Variants in MYO16 observed in about 807,000 individuals in gnomAD.
The protein encoded by MYO16 is unconventional myosin-XVI.
In MYO16, 94 loss-of-function variants were observed where a neutral mutation model predicts 205.3. The observed-to-expected ratio is 0.46, with a 90% confidence interval of 0.39 to 0.54. The LOEUF (loss-of-function observed/expected upper bound fraction) is 0.54, where lower values mean the gene tolerates loss of function less well. Ranked by LOEUF, MYO16 falls within the 20% of genes least tolerant of loss-of-function variation. The probability of loss-of-function intolerance (pLI) is 0.00; values close to 1 mark genes in which losing one functional copy is unlikely to be tolerated. For missense variants in MYO16, 2,315 were observed against 2,387.5 expected (o/e 0.97, Z 0.63); for synonymous variants, 988 against 954.0 (o/e 1.04, Z -0.66).
intron 9 of MYO16, among the ~76,000 whole-genome samples, chr13:108,823,516 G>A (rs1876095191): frequency 6.6e-6 from 1 of 152,130 alleles, no homozygotes; most frequent in African/African-American, 2.4e-5. Flanking sequence ...CATGTGCCAT[G>A]AGACCAAATA....
intron 16 of MYO16, among the ~76,000 whole-genome samples, chr13:108,944,077 T>A (rs1237340716): frequency 6.6e-6 from 1 of 152,204 alleles, no homozygotes; most frequent in Non-Finnish European, 1.5e-5. Flanking sequence ...CACATGAGGC[T>A]GAACTGTACT....
intron 22 of MYO16, among the ~76,000 whole-genome samples, chr13:109,016,584 G>T (rs991861774): frequency 6.6e-6 from 1 of 151,570 alleles, no homozygotes; most frequent in African/African-American, 2.4e-5. Flanking sequence ...TTATTATTGT[G>T]TGGGAGTCTA....
At chr13:109,017,964 T>G (rs1259544516) in intron 22 of MYO16, among the ~76,000 whole-genome samples, 1 of 152,234 alleles carries the variant, frequency 6.6e-6, no homozygotes, top group Non-Finnish European at 1.5e-5. Flanking sequence ...AGCCTACTTC[T>G]TTCAGCTCAT....
At chr13:109,131,276 G>C (rs531429856) in intron 31 of MYO16, among the ~76,000 whole-genome samples, 1 of 152,326 alleles carries the variant, frequency 6.6e-6, no homozygotes, top group South Asian at 2.1e-4. Context: ...TCTGATCGGA[G>C]ACCAAGGGCC....
chr13:108,953,343 G>C (rs756199968), intron 16 of MYO16, among the ~76,000 whole-genome samples: 11 of 152,286 alleles, frequency 7.2e-5, no homozygotes, highest in Non-Finnish European at 1.3e-4. Flanking sequence ...TAATGACAGA[G>C]TACATTGACT....
intron 27 of MYO16, among the ~76,000 whole-genome samples, chr13:109,099,312 A>G (rs978125245): frequency 1.4e-4 from 21 of 152,378 alleles, no homozygotes; most frequent in African/African-American, 4.6e-4. Context: ...AATAAACAGC[A>G]AGTAATAAGT....
intron 19 of MYO16, among the ~76,000 whole-genome samples, chr13:108,963,624 G>A (rs1346898382): frequency 6.6e-6 from 1 of 152,092 alleles, no homozygotes; most frequent in African/African-American, 2.4e-5. Context: ...CAGGAATAAG[G>A]CCAACAGTCT....
In MYO16 at chr13:108,649,082, G is replaced by C. The variant is rs557705817; in HGVS notation, c.29-16804G>C. On this transcript the variant is annotated intron_variant, in intron 1 of 34. Transcript: ENST00000457511. ...CACACCAGGGCCTGTTGTGGGATGG[G>C]GGGAGGGGGGAGGGATAGCATTAGG... 2.7e-3 allele frequency among the ~76,000 whole-genome samples: 408 copies of C among 150,804 alleles called. 2 individuals are homozygous for C. Among genetic ancestry groups the C allele is most frequent in the African/African-American group, 8.7e-3 (356 of 40,990 alleles).
the MYO16 span, among the ~76,000 whole-genome samples, chr13:108,543,716 C>A: frequency 1.4e-5 from 2 of 140,388 alleles, no homozygotes; most frequent in Admixed American, 7.5e-5. Flanking sequence ...CTAGGCAAAT[C>A]AATTACTTTC....
At chr13:109,167,583 G>A (rs1293999486) in intron 33 of MYO16, among the ~76,000 whole-genome samples, 4 of 152,120 alleles carry the variant, frequency 2.6e-5, no homozygotes, top group Non-Finnish European at 5.9e-5. Context: ...TAAAAAAGGT[G>A]AATCTCACTG....
rs1341082303 is a variant in MYO16 at position 109,141,964 on chromosome 13, G to C, written c.5164+588G>C. ...GCACTCTAACGCAGCCCCGTTATCT[G>C]TGTTTTCTCATCCAGCGACTCAGCC... On this transcript the variant is annotated intron_variant, in intron 32 of 34. Transcript: ENST00000457511. The surrounding 1 kb of genome is among the most constrained non-coding windows in gnomAD (Gnocchi z 4.1). Among the ~76,000 whole-genome samples the C allele has an allele frequency of 6.6e-6, 1 of 152,188 alleles. No individual in the cohort carries two copies. Among genetic ancestry groups the C allele is most frequent in the Non-Finnish European group, 1.5e-5 (1 of 68,040 alleles).
At chr13:108,731,178 TTAGCTTC>T (rs1884510545) in intron 4 of MYO16, among the ~76,000 whole-genome samples, 1 of 152,228 alleles carries the variant, frequency 6.6e-6, no homozygotes, top group Non-Finnish European at 1.5e-5. Flanking sequence ...TAATAAATAA[TTAGCTTC>T]TAGCAAGTCA....
In MYO16 at chr13:109,055,207, T is replaced by C; in HGVS notation, c.3129+81T>C. On this transcript the variant is annotated intron_variant, in intron 26 of 34. Transcript: ENST00000457511. The surrounding 1 kb of genome is among the most constrained non-coding windows in gnomAD (Gnocchi z 5.0). ...GGGTTTATGTAGACTTTTTTTTCCA[T>C]TTTTGACAACTTAAATATCTTCACA... is the stretch of plus-strand genomic sequence containing the variant. The C allele has an allele frequency of 8.0e-7, 1 of 1,245,672 alleles. No individual in the cohort carries two copies. The highest frequency in any genetic ancestry group is 2.3e-5 in the East Asian group (1 of 42,694). The allele number at this position is 1,245,672 out of a possible 1,614,324, so 77.2% of individuals were successfully genotyped here. A position where few individuals can be genotyped will look rare whatever the true frequency, so the allele number is the denominator to read the frequency against.
At chr13:108,538,016 A>G in the MYO16 span, among the ~76,000 whole-genome samples, 1 of 152,050 alleles carries the variant, frequency 6.6e-6, no homozygotes, top group African/African-American at 2.4e-5. Context: ...ACTTTAGTTT[A>G]AGCCCATTTG....
chr13:108,553,113 G>C, the MYO16 span, among the ~76,000 whole-genome samples: 4 of 134,574 alleles, frequency 3.0e-5, no homozygotes, highest in African/African-American at 8.2e-5. Context: ...CTGCCTCCCA[G>C]GTTCAACTGC....
intron 27 of MYO16, among the ~76,000 whole-genome samples, chr13:109,083,976 G>A (rs1594070352): frequency 6.6e-6 from 1 of 152,160 alleles, no homozygotes. Flanking sequence ...AATGCATTAT[G>A]TATAAAGACA....
intron 16 of MYO16, among the ~76,000 whole-genome samples, chr13:108,947,411 C>T (rs1882979694): frequency 6.6e-6 from 1 of 152,202 alleles, no homozygotes; most frequent in East Asian, 1.9e-4. Context: ...TTCTGCCCAC[C>T]TCTCCCTCCA....
At chr13:108,654,232 C>T (rs1426064300) in intron 1 of MYO16, among the ~76,000 whole-genome samples, 2 of 152,126 alleles carry the variant, frequency 1.3e-5, no homozygotes, top group African/African-American at 4.8e-5. Context: ...CAGTTCTCAT[C>T]TTGAATTGCA....
At chr13:108,841,437 G>A (rs942537369) in intron 9 of MYO16, among the ~76,000 whole-genome samples, 2 of 152,168 alleles carry the variant, frequency 1.3e-5, no homozygotes, top group African/African-American at 4.8e-5. Context: ...AGGTCAAAGT[G>A]TAAAGCTTAA....
Sources: allele counts gnomAD v4.1 joint callset (sites outside exome capture counted in the v4.1 genomes callset), GRCh38; gene constraint gnomAD v4.1.1; non-coding constraint Gnocchi (gnomAD v3.1); transcripts MANE v1.5; gene names NCBI Gene and HGNC (gene_info 2026-07-23, HGNC 2026-07-21).